CAMK4: variants seen among roughly 807,000 people sequenced by gnomAD.
The protein encoded by CAMK4 is calcium/calmodulin dependent protein kinase IV.
A neutral mutation model predicts 44.9 loss-of-function variants in CAMK4; 22 were observed. That is an observed-to-expected ratio of 0.49 (90% CI 0.35 to 0.70). The LOEUF (loss-of-function observed/expected upper bound fraction) is 0.70. CAMK4 is among the 30% of genes least tolerant of loss of function. CAMK4 has a pLI of 0.01. For synonymous variants in CAMK4, 218 were observed against 215.4 expected (o/e 1.01, Z -0.11); for missense variants, 498 against 586.8 (o/e 0.85, Z 1.56).
At chr5:111,271,332 G>C (rs79651654) in intron 1 of CAMK4, among the ~76,000 whole-genome samples, 1,956 of 152,288 alleles carry the variant, frequency 0.013, 43 homozygotes, top group African/African-American at 0.043. Flanking sequence ...TCAACATTAA[G>C]ATAAAGGATA....
chr5:111,268,804 A>G (rs1443027760), intron 1 of CAMK4, among the ~76,000 whole-genome samples: 3 of 152,184 alleles, frequency 2.0e-5, no homozygotes, highest in South Asian at 2.1e-4. Context: ...ATCTCCTTCT[A>G]TACCTGGTAA....
intron 1 of CAMK4, among the ~76,000 whole-genome samples, chr5:111,252,713 G>A (rs1749559950): frequency 1.3e-5 from 2 of 152,134 alleles, no homozygotes; most frequent in Admixed American, 1.3e-4. Flanking sequence ...GAAAAACTTT[G>A]ACTCTATTAT....
At chr5:111,317,637 C>T (rs1440935762) in intron 1 of CAMK4, among the ~76,000 whole-genome samples, 1 of 151,522 alleles carries the variant, frequency 6.6e-6, no homozygotes. Flanking sequence ...GTGATTATGC[C>T]CCTCATTTGT....
intron 7 of CAMK4, among the ~76,000 whole-genome samples, chr5:111,462,946 G>A (rs1446439659): frequency 6.6e-6 from 1 of 152,096 alleles, no homozygotes; most frequent in African/African-American, 2.4e-5. Context: ...GTATGTTAAT[G>A]AATATATAAT....
intron 1 of CAMK4, among the ~76,000 whole-genome samples, chr5:111,285,286 A>G (rs1267312501): frequency 6.6e-6 from 1 of 152,208 alleles, no homozygotes; most frequent in African/African-American, 2.4e-5. Context: ...ATATTCATGT[A>G]TCTCCTTGTG....
intron 5 of CAMK4, among the ~76,000 whole-genome samples, chr5:111,432,904 G>A (rs1027046858): frequency 1.3e-5 from 2 of 151,936 alleles, no homozygotes; most frequent in African/African-American, 4.8e-5. Context: ...GATTCTAAGA[G>A]TACAGAGATG....
chr5:111,235,042 T>C (rs531015791), intron 1 of CAMK4, among the ~76,000 whole-genome samples: 6 of 152,254 alleles, frequency 3.9e-5, no homozygotes, highest in Non-Finnish European at 5.9e-5. Context: ...TAGGTCTTTA[T>C]GGACTGTTTA....
At chr5:111,337,725 G>T (rs1476675099) in intron 1 of CAMK4, among the ~76,000 whole-genome samples, 1 of 151,064 alleles carries the variant, frequency 6.6e-6, no homozygotes, top group African/African-American at 2.4e-5. Context: ...AAGGTCATTG[G>T]CACTAGTAAG....
At chr5:111,359,149 C>G (rs942094931) in intron 2 of CAMK4, among the ~76,000 whole-genome samples, 1 of 152,044 alleles carries the variant, frequency 6.6e-6, no homozygotes. Context: ...TGAAGAGTTC[C>G]TTTCTACAAT....
chr5:111,242,828 C>A (rs79248548), intron 1 of CAMK4, among the ~76,000 whole-genome samples: 2,166 of 145,416 alleles, frequency 0.015, 49 homozygotes, highest in African/African-American at 0.052. Context: ...ACCGCGCCCC[C>A]TCACTCCACG....
chr5:111,342,128 A>C (rs1355494319), intron 1 of CAMK4, among the ~76,000 whole-genome samples: 1 of 151,192 alleles, frequency 6.6e-6, no homozygotes, highest in African/African-American at 2.4e-5. Flanking sequence ...AATGTCACTT[A>C]GTATAATTTA....
At chr5:111,337,972 C>G (rs1447531684) in intron 1 of CAMK4, among the ~76,000 whole-genome samples, 5 of 151,188 alleles carry the variant, frequency 3.3e-5, no homozygotes, top group African/African-American at 1.2e-4. Context: ...GTGTAATCAG[C>G]TTTCACAATG....
At chr5:111,321,939 A>T (rs1480156257) in intron 1 of CAMK4, among the ~76,000 whole-genome samples, 1 of 152,116 alleles carries the variant, frequency 6.6e-6, no homozygotes, top group Non-Finnish European at 1.5e-5. Flanking sequence ...TAAACATATT[A>T]TTTTCCCTTC....
chr5:111,473,341 G>A lies in CAMK4; in HGVS notation c.656G>A (p.Gly219Glu), dbSNP rs754657855. The A allele has an allele frequency of 1.2e-6, 2 of 1,612,880 alleles. No individual in the cohort carries two copies. The highest frequency in any genetic ancestry group is 1.7e-6 in the Non-Finnish European group (2 of 1,179,108). The part of the protein sequence containing the change: ...APEILRGCAY[G>E]PEVDMWSVGI... Reference sequence around the variant, plus strand: ...GAAATTCTTAGAGGTTGTGCCTATGGACCTGAGGTGGACATGTGGTCTGTA... The same window carrying A: ...GAAATTCTTAGAGGTTGTGCCTATGAACCTGAGGTGGACATGTGGTCTGTA... The change falls in exon 8 of 11, where the codon GGA becomes GAA. Residue 219 changes from glycine (G) to glutamate (E), a missense_variant. Physicochemically the swap from Gly to Glu is moderately conservative, Grantham distance 98. Around this residue, in one of 3 missense-constraint regions of CAMK4, gnomAD observed 203 missense variants for 298.2 expected, o/e 0.68. Transcript: ENST00000282356.
At position 111,484,911 on chromosome 5, in the gene CAMK4, A is replaced by G. The variant is rs1252308584; in HGVS notation, c.*445A>G. ...GTTCCCATAACTTTTACAACATTTT[A>G]CTTTTTATCATTGATGTGTTCAAAC... On this transcript the variant is annotated 3_prime_UTR_variant, in exon 11 of 11. Transcript: ENST00000282356. This position sits in a 1 kb window ranked among gnomAD's most constrained non-coding sequence, Gnocchi z 5.3. 1 of 152,810 alleles carries G rather than the reference A, an allele frequency of 6.5e-6. No homozygotes were observed. The highest frequency in any genetic ancestry group is 1.5e-5 in the Non-Finnish European group (1 of 68,488). 9.5% of individuals were successfully genotyped at this position (152,810 alleles called of 1,614,324 possible).
chr5:111,298,511 T>C (rs1747581698), intron 1 of CAMK4, among the ~76,000 whole-genome samples: 1 of 152,176 alleles, frequency 6.6e-6, no homozygotes, highest in African/African-American at 2.4e-5. Context: ...TCAGTGGACG[T>C]AGAGTGGAGA....
chr5:111,483,903 G>A, intron 10 of CAMK4, 123 bp from the exon 11 acceptor site: 1 of 627,806 alleles, frequency 1.6e-6, no homozygotes, highest in Non-Finnish European at 2.6e-6. Context: ...CTAGGAATAA[G>A]GTACTTTGAA....
intron 1 of CAMK4, among the ~76,000 whole-genome samples, chr5:111,276,638 C>G (rs1750771725): frequency 6.6e-6 from 1 of 151,956 alleles, no homozygotes; most frequent in African/African-American, 2.4e-5. Context: ...TAGGTCATGC[C>G]TTGTTTTCCA....
At chr5:111,374,624 T>C (rs1751140419) in intron 2 of CAMK4, among the ~76,000 whole-genome samples, 2 of 151,920 alleles carry the variant, frequency 1.3e-5, no homozygotes, top group African/African-American at 4.8e-5. Flanking sequence ...ATGTTAGGAG[T>C]CTGACAAGTT....
Sources: allele counts gnomAD v4.1 joint callset (sites outside exome capture counted in the v4.1 genomes callset), GRCh38; gene constraint gnomAD v4.1.1; regional missense constraint gnomAD v4.1.1; non-coding constraint Gnocchi (gnomAD v3.1); transcripts MANE v1.5; gene names NCBI Gene and HGNC (gene_info 2026-07-23, HGNC 2026-07-21).